AUTS2: variants seen among roughly 807,000 people sequenced by gnomAD.
The protein encoded by AUTS2 is activator of transcription and developmental regulator AUTS2, also known as autism susceptibility gene 2 protein.
In AUTS2, 17 loss-of-function variants were observed where a neutral mutation model predicts 112.4. That is an observed-to-expected ratio of 0.15 (90% confidence interval 0.10 to 0.23). AUTS2 has a LOEUF of 0.23. Ranked by LOEUF, AUTS2 falls within the 10% of genes least tolerant of loss-of-function variation. The pLI, the probability that AUTS2 is intolerant of heterozygous loss-of-function variation, is 1.00. For synonymous variants in AUTS2, 751 were observed against 702.7 expected, an observed-to-expected ratio of 1.07 and a Z score of -1.09; for missense variants, 1,510 against 1,701.6, an observed-to-expected ratio of 0.89 and a Z score of 1.98.
chr7:69,860,005 A>C lies in AUTS2; in HGVS notation c.310-39281A>C, dbSNP rs569366410. Reference sequence around the variant, plus strand: ...ACTGAAGAGACATTCAAATTTAGAAAATTTTAAGGACATTATACCTGCCTG... The same window carrying C: ...ACTGAAGAGACATTCAAATTTAGAACATTTTAAGGACATTATACCTGCCTG... On this transcript the variant is annotated intron_variant, in intron 1 of 18. Transcript: ENST00000342771. Among the ~76,000 whole-genome samples, 15 of 152,088 alleles carry C rather than the reference A, an allele frequency of 9.9e-5. 1 individual carries two copies. In the South Asian group the frequency reaches 3.1e-3, roughly 32 times the overall value.
At chr7:70,519,217 A>AGGACAT (rs1024787526) in intron 5 of AUTS2, among the ~76,000 whole-genome samples, 12 of 152,224 alleles carry the variant, frequency 7.9e-5, no homozygotes, top group African/African-American at 2.9e-4. Context: ...TGATGTTCAA[A>AGGACAT]GGACATGGCC....
chr7:70,724,566 C>T (rs1333407722), intron 6 of AUTS2, among the ~76,000 whole-genome samples: 1 of 151,658 alleles, frequency 6.6e-6, no homozygotes, highest in African/African-American at 2.4e-5. Flanking sequence ...CTGCCTCAGC[C>T]TCCCGAGTAG....
intron 4 of AUTS2, chr7:70,293,094 C>A (rs12698890): frequency 0.11 from 16,119 of 152,166 alleles, 896 homozygotes; most frequent in Admixed American, 0.14. Flanking sequence ...GTCCCTTCCC[C>A]GTACTTACAC....
chr7:70,166,291 T>A (rs1217116124), intron 4 of AUTS2, among the ~76,000 whole-genome samples: 4 of 152,206 alleles, frequency 2.6e-5, no homozygotes, highest in Admixed American at 6.5e-5. Context: ...AAAATTTTTT[T>A]AAATATAGAA....
intron 5 of AUTS2, among the ~76,000 whole-genome samples, chr7:70,445,043 T>C (rs1323654283): frequency 6.6e-6 from 1 of 152,188 alleles, no homozygotes; most frequent in Non-Finnish European, 1.5e-5. Context: ...AAGAGAACAT[T>C]GCATTATTCA....
At chr7:69,651,030 AC>A (rs1795264518) in intron 1 of AUTS2, among the ~76,000 whole-genome samples, 1 of 152,164 alleles carries the variant, frequency 6.6e-6, no homozygotes, top group South Asian at 2.1e-4. Context: ...TGAAAGGGAT[AC>A]TTTTTTAACC....
intron 2 of AUTS2, among the ~76,000 whole-genome samples, chr7:70,012,433 A>G (rs912233747): frequency 4.6e-5 from 7 of 152,194 alleles, no homozygotes; most frequent in African/African-American, 1.7e-4. Context: ...ATGTAAAAAT[A>G]TGGGTCTTTA....
chr7:69,794,389 G>A (rs1042593300), intron 1 of AUTS2, among the ~76,000 whole-genome samples: 3 of 152,194 alleles, frequency 2.0e-5, no homozygotes, highest in African/African-American at 7.2e-5. Flanking sequence ...CTGGGCCCCT[G>A]TGGGAATGAT....
chr7:70,530,761 C>T (rs1038448277), intron 5 of AUTS2, among the ~76,000 whole-genome samples: 6 of 152,100 alleles, frequency 3.9e-5, no homozygotes, highest in Admixed American at 2.6e-4. Context: ...ACTGCTGCCT[C>T]GGGTCAGGAT....
At chr7:70,583,457 GA>G (rs1802540329) in intron 5 of AUTS2, among the ~76,000 whole-genome samples, 1 of 152,238 alleles carries the variant, frequency 6.6e-6, no homozygotes, top group Non-Finnish European at 1.5e-5. Flanking sequence ...GCTCGAGGCA[GA>G]GGGAGAGGGG....
chr7:70,230,846 A>G (rs1458377682), intron 4 of AUTS2, among the ~76,000 whole-genome samples: 1 of 152,204 alleles, frequency 6.6e-6, no homozygotes, highest in Admixed American at 6.5e-5. Flanking sequence ...CATTAAGATC[A>G]CTATTGTTTT....
chr7:69,963,196 A>G (rs1188336562), intron 2 of AUTS2, among the ~76,000 whole-genome samples: 1 of 152,178 alleles, frequency 6.6e-6, no homozygotes, highest in African/African-American at 2.4e-5. Context: ...TTGTGGTTTC[A>G]GAGTTAAGGA....
At chr7:70,081,733 C>T (rs534728808) in intron 2 of AUTS2, among the ~76,000 whole-genome samples, 14 of 152,096 alleles carry the variant, frequency 9.2e-5, no homozygotes, top group African/African-American at 2.9e-4. Flanking sequence ...TTTGTTTAAC[C>T]TACTTTAACT....
intron 4 of AUTS2, among the ~76,000 whole-genome samples, chr7:70,396,921 T>C (rs1794111156): frequency 6.6e-6 from 1 of 152,206 alleles, no homozygotes; most frequent in Admixed American, 6.5e-5. Context: ...CTGGTAGGTA[T>C]ATGTTTAATG....
At chr7:69,914,812 A>G (rs1459071101) in intron 2 of AUTS2, among the ~76,000 whole-genome samples, 1 of 152,084 alleles carries the variant, frequency 6.6e-6, no homozygotes, top group Non-Finnish European at 1.5e-5. Flanking sequence ...TTTAGTATCA[A>G]TGCATGAATA....
chr7:69,648,240 A>C (rs1795124287), intron 1 of AUTS2, among the ~76,000 whole-genome samples: 2 of 152,184 alleles, frequency 1.3e-5, no homozygotes, highest in African/African-American at 4.8e-5. Context: ...CTTACAAGAC[A>C]TATATGTATA....
At chr7:70,539,865 C>T (rs1800476133) in intron 5 of AUTS2, among the ~76,000 whole-genome samples, 1 of 152,180 alleles carries the variant, frequency 6.6e-6, no homozygotes, top group Non-Finnish European at 1.5e-5. Flanking sequence ...AAAACCAGCG[C>T]TGCCCGCCTG....
At chr7:70,522,797 T>C (rs2129495303) in intron 5 of AUTS2, among the ~76,000 whole-genome samples, 1 of 152,326 alleles carries the variant, frequency 6.6e-6, no homozygotes, top group Admixed American at 6.5e-5. Flanking sequence ...GTAGAACAGT[T>C]TATTTTCCTT....
At chr7:70,580,260 A>G (rs1282295459) in intron 5 of AUTS2, among the ~76,000 whole-genome samples, 1 of 152,216 alleles carries the variant, frequency 6.6e-6, no homozygotes, top group Non-Finnish European at 1.5e-5. Flanking sequence ...ACCTTCAGCT[A>G]TGCACATGTG....
Sources: allele counts gnomAD v4.1 joint callset (sites outside exome capture counted in the v4.1 genomes callset), GRCh38; gene constraint gnomAD v4.1.1; transcripts MANE v1.5; gene names NCBI Gene and HGNC (gene_info 2026-07-23, HGNC 2026-07-21).